FRMD4A: variants seen among roughly 807,000 people sequenced by gnomAD.
The protein encoded by FRMD4A is FERM domain containing 4A.
A neutral mutation model predicts 129.1 loss-of-function variants in FRMD4A; 29 were observed. The ratio of observed to expected loss-of-function variants is 0.22; its 90% confidence interval spans 0.17 to 0.31. The LOEUF is 0.31. FRMD4A is among the 10% of genes least tolerant of loss of function. The probability of loss-of-function intolerance (pLI) is 1.00; values close to 1 mark genes in which losing one functional copy is unlikely to be tolerated. For synonymous variants in FRMD4A, 634 were observed against 571.6 expected (o/e 1.11, Z -1.56); for missense variants, 1,272 against 1,375.8 (o/e 0.92, Z 1.19).
intron 18 of FRMD4A, among the ~76,000 whole-genome samples, chr10:13,665,594 A>T (rs1468473275): frequency 3.3e-5 from 5 of 152,150 alleles, no homozygotes; most frequent in Admixed American, 3.3e-4. Context: ...GGTTCCAGAT[A>T]ATCAGATGGT....
chr10:14,062,013 TC>T (rs1292793008), intron 2 of FRMD4A, among the ~76,000 whole-genome samples: 2 of 148,240 alleles, frequency 1.3e-5, no homozygotes, highest in Non-Finnish European at 3.0e-5. Flanking sequence ...AAATCAAAAC[TC>T]AAAATGTGCA....
chr10:14,064,220 A>G (rs1156794323), intron 2 of FRMD4A, among the ~76,000 whole-genome samples: 1 of 152,218 alleles, frequency 6.6e-6, no homozygotes, highest in Non-Finnish European at 1.5e-5. Flanking sequence ...TGAGATACTG[A>G]GGTCCTGAAA....
intron 2 of FRMD4A, chr10:14,326,448 A>G (rs1843279126): frequency 6.4e-6 from 1 of 156,664 alleles, no homozygotes; most frequent in African/African-American, 2.4e-5. Flanking sequence ...ACAGTTTCCC[A>G]AATTCTAATT....
chr10:13,666,777 A>C (rs777136252), intron 17 of FRMD4A, among the ~76,000 whole-genome samples: 20 of 152,090 alleles, frequency 1.3e-4, no homozygotes, highest in South Asian at 2.1e-4. Flanking sequence ...CACATGAGCT[A>C]ATGCACGGGC....
At chr10:14,128,543 C>A (rs183438082) in intron 2 of FRMD4A, among the ~76,000 whole-genome samples, 2 of 152,280 alleles carry the variant, frequency 1.3e-5, no homozygotes, top group Non-Finnish European at 2.9e-5. Flanking sequence ...GCAAAATTTG[C>A]CATGCTTTTC....
chr10:13,979,704 C>T (rs952640640), intron 2 of FRMD4A, among the ~76,000 whole-genome samples: 13 of 152,220 alleles, frequency 8.5e-5, no homozygotes, highest in Admixed American at 5.2e-4. Context: ...CTCATAGTCT[C>T]TTTGCTCTCT....
At chr10:14,290,417 G>A (rs1845814753) in intron 2 of FRMD4A, among the ~76,000 whole-genome samples, 1 of 151,920 alleles carries the variant, frequency 6.6e-6, no homozygotes, top group Admixed American at 6.6e-5. Context: ...GCTCAGAAAT[G>A]AATGCATATT....
Position 13,670,268 on chromosome 10 carries a change from C to T in FRMD4A, c.1374+138G>A, listed in dbSNP as rs2083406943. The T allele has an allele frequency of 2.3e-5, 18 of 793,322 alleles. No homozygotes were observed. The South Asian group carries it at 2.9e-4, about 13-fold the overall frequency. The allele number at this position is 793,322 out of a possible 1,614,324, so 49.1% of individuals were successfully genotyped here. ...GGAACCACATACTGACCGGCCAGCTCACTCAAGAAAAGGTATGAGCGAAAA... is the reference window on the plus strand; with the variant it reads ...GGAACCACATACTGACCGGCCAGCTTACTCAAGAAAAGGTATGAGCGAAAA... On this transcript the variant is annotated intron_variant, in intron 17 of 24. Transcript: ENST00000357447.
intron 2 of FRMD4A, among the ~76,000 whole-genome samples, chr10:14,128,741 A>G (rs973749708): frequency 7.9e-5 from 12 of 152,210 alleles, no homozygotes; most frequent in African/African-American, 2.9e-4. Context: ...CCACATGCAT[A>G]TTAAATACCT....
chr10:13,856,023 T>TATCTATC (rs1385991848), intron 3 of FRMD4A, among the ~76,000 whole-genome samples: 14 of 123,460 alleles, frequency 1.1e-4, no homozygotes, highest in African/African-American at 3.8e-4. Flanking sequence ...ACTATCTATC[T>TATCTATC]ATCTATCTAT....
chr10:14,051,137 G>T (rs1485515310), intron 2 of FRMD4A, among the ~76,000 whole-genome samples: 1 of 152,224 alleles, frequency 6.6e-6, no homozygotes, highest in Non-Finnish European at 1.5e-5. Flanking sequence ...GAATCGGGAA[G>T]TATTTAATAG....
In FRMD4A at chr10:14,279,682, T is replaced by C. The variant is rs2132058518; in HGVS notation, c.45+50376A>G. Reference sequence around the variant, plus strand: ...AAGTGTTCTGAACATTAAGGGAAAGTTGGAACCTGGAGAGATGTTGACAAT... The same window carrying C: ...AAGTGTTCTGAACATTAAGGGAAAGCTGGAACCTGGAGAGATGTTGACAAT... On this transcript the variant is annotated intron_variant, in intron 2 of 24. Coordinates refer to ENST00000357447, the MANE Select transcript of FRMD4A (RefSeq NM_018027.5). Among the ~76,000 whole-genome samples, 3 of 152,322 alleles carry C rather than the reference T, an allele frequency of 2.0e-5. 1 individual carries two copies.
chr10:13,941,042 C>T (rs1018702206), intron 2 of FRMD4A, among the ~76,000 whole-genome samples: 9 of 152,098 alleles, frequency 5.9e-5, no homozygotes, highest in South Asian at 4.2e-4. Context: ...TCCTAGTATC[C>T]GAGAACCATG....
chr10:14,072,922 G>A (rs1331880168), intron 2 of FRMD4A, among the ~76,000 whole-genome samples: 1 of 152,142 alleles, frequency 6.6e-6, no homozygotes. Flanking sequence ...TTTAACAAAA[G>A]TCTTGGTCAA....
rs1169556459 is a variant in FRMD4A at position 13,964,139 on chromosome 10, A to T, written c.46-105227T>A. Among the ~76,000 whole-genome samples, 6 of 151,850 alleles carry T rather than the reference A, an allele frequency of 4.0e-5. No homozygotes were observed. The East Asian group carries it at 1.2e-3, about 29-fold the overall frequency. On this transcript the variant is annotated intron_variant, in intron 2 of 24. Coordinates refer to ENST00000357447, the MANE Select transcript of FRMD4A (RefSeq NM_018027.5). ...CTTTGTCAACAGGCATTAGAAAAAA[A>T]AAAAAAACAGAAACAAAGTCCACAA...
At chr10:13,805,963 T>C (rs557247322) in intron 4 of FRMD4A, among the ~76,000 whole-genome samples, 23 of 152,224 alleles carry the variant, frequency 1.5e-4, no homozygotes, top group Admixed American at 1.4e-3. Flanking sequence ...GTTCAAGCAA[T>C]GCTCGTGTGT....
At chr10:14,308,288 C>T (rs1196065161) in intron 2 of FRMD4A, among the ~76,000 whole-genome samples, 1 of 152,194 alleles carries the variant, frequency 6.6e-6, no homozygotes, top group African/African-American at 2.4e-5. Context: ...TTTTAAATGA[C>T]TTTGGGAAGT....
chr10:13,780,224 G>A (rs924223950), intron 6 of FRMD4A, among the ~76,000 whole-genome samples: 7 of 152,068 alleles, frequency 4.6e-5, no homozygotes, highest in African/African-American at 1.7e-4. Flanking sequence ...TTACTCGGGA[G>A]GCTGAGGCGG....
At chr10:14,263,561 T>TC (rs1844877619) in intron 2 of FRMD4A, among the ~76,000 whole-genome samples, 2 of 152,168 alleles carry the variant, frequency 1.3e-5, no homozygotes, top group Admixed American at 1.3e-4. Context: ...GCTCTGAGTC[T>TC]CCTGAATCTC....
Sources: allele counts gnomAD v4.1 joint callset (sites outside exome capture counted in the v4.1 genomes callset), GRCh38; gene constraint gnomAD v4.1.1; transcripts MANE v1.5; gene names NCBI Gene and HGNC (gene_info 2026-07-23, HGNC 2026-07-21).